The following CAMTA1 variants were observed in gnomAD, a reference collection of about 807,000 sequenced individuals.
CAMTA1 encodes calmodulin-binding transcription activator 1.
Under a neutral mutation model 170.9 loss-of-function variants are expected in CAMTA1, and 27 were observed. That is an observed-to-expected ratio of 0.16 (90% confidence interval 0.12 to 0.22). The LOEUF (loss-of-function observed/expected upper bound fraction) is 0.22. Among genes scored for constraint, CAMTA1 ranks in the 10% least tolerant of loss-of-function variants. The probability of loss-of-function intolerance (pLI) is 1.00; values close to 1 mark genes in which losing one functional copy is unlikely to be tolerated. For synonymous variants in CAMTA1, 833 were observed against 891.5 expected, an observed-to-expected ratio of 0.93 and a Z score of 1.17; for missense variants, 1,619 against 2,217.2, an observed-to-expected ratio of 0.73 and a Z score of 5.42.
intron 3 of CAMTA1, among the ~76,000 whole-genome samples, chr1:7,079,020 A>G (rs143054163): frequency 9.2e-5 from 14 of 152,222 alleles, no homozygotes; most frequent in African/African-American, 3.4e-4. Context: ...GTGAGGTGAA[A>G]CCCCACAAAA....
chr1:7,443,224 G>C lies in CAMTA1; in HGVS notation c.439-24606G>C, dbSNP rs1349024819. ...GCTTCATACCCTAGACGTGTATGAT[G>C]ATCTGCATGAAGTCCATTTCCCCAC... On this transcript the variant is annotated intron_variant, in intron 5 of 22. Coordinates refer to ENST00000303635, the MANE Select transcript of CAMTA1 (RefSeq NM_015215.4). This position sits in a 1 kb window ranked among gnomAD's most constrained non-coding sequence, Gnocchi z 4.1. Among the ~76,000 whole-genome samples the C allele has an allele frequency of 2.6e-5, 4 of 152,228 alleles. No individual in the cohort carries two copies. The highest frequency in any genetic ancestry group is 2.6e-4 in the Admixed American group (4 of 15,288).
rs1338403001 is a variant in CAMTA1 at position 7,050,866 on chromosome 1, C to T, written c.235-40438C>T. Among the ~76,000 whole-genome samples, 6 of 152,240 alleles carry T rather than the reference C, an allele frequency of 3.9e-5. No individual in the cohort carries two copies. The highest frequency in any genetic ancestry group is 2.0e-4 in the Admixed American group (3 of 15,292). On this transcript the variant is annotated intron_variant, in intron 3 of 22. Coordinates refer to ENST00000303635, the MANE Select transcript of CAMTA1 (RefSeq NM_015215.4). This position sits in a 1 kb window ranked among gnomAD's most constrained non-coding sequence, Gnocchi z 4.8. Reference sequence around the variant, plus strand: ...ATCACACTGGGGTATTTATGGGAGCCGTGCACAGGAGCGCTGGCCATTCGT... The same window carrying T: ...ATCACACTGGGGTATTTATGGGAGCTGTGCACAGGAGCGCTGGCCATTCGT...
intron 6 of CAMTA1, among the ~76,000 whole-genome samples, chr1:7,583,274 G>C (rs977651074): frequency 2.0e-5 from 3 of 151,888 alleles, no homozygotes; most frequent in African/African-American, 4.8e-5. Flanking sequence ...TGTGTGGAAG[G>C]GGTGCAGAGA....
At chr1:7,687,385 G>A (rs768596403) in intron 11 of CAMTA1, among the ~76,000 whole-genome samples, 1 of 152,078 alleles carries the variant, frequency 6.6e-6, no homozygotes, top group Non-Finnish European at 1.5e-5. Context: ...TCCAAGCAGG[G>A]GGAGGTGGGT....
rs796619665 is a variant in CAMTA1 at position 7,490,234 on chromosome 1, G to A, written c.510+22333G>A. Reference sequence around the variant, plus strand: ...ATGCCTCCTCGCATGGGATTGCACCGTGCACAATGTGGAGATGTGCTTTCC... The same window carrying A: ...ATGCCTCCTCGCATGGGATTGCACCATGCACAATGTGGAGATGTGCTTTCC... On this transcript the variant is annotated intron_variant, in intron 6 of 22. Coordinates refer to ENST00000303635, the MANE Select transcript of CAMTA1 (RefSeq NM_015215.4). Among the ~76,000 whole-genome samples the A allele has an allele frequency of 1.1e-4, 16 of 152,334 alleles. 1 individual carries two copies. Among genetic ancestry groups the A allele is most frequent in the African/African-American group, 3.6e-4 (15 of 41,570 alleles).
At chr1:7,268,269 G>C (rs897259501) in intron 5 of CAMTA1, among the ~76,000 whole-genome samples, 22 of 152,104 alleles carry the variant, frequency 1.4e-4, no homozygotes, top group Admixed American at 7.2e-4. Flanking sequence ...GAGGAGAAGG[G>C]GGGGTCAGCA....
chr1:7,261,408 T>A (rs1668148298), intron 5 of CAMTA1, among the ~76,000 whole-genome samples: 1 of 152,216 alleles, frequency 6.6e-6, no homozygotes. Context: ...GTCATCCCAT[T>A]GGCTTGAAAT....
chr1:7,379,612 C>T (rs993031468), intron 5 of CAMTA1, among the ~76,000 whole-genome samples: 2 of 152,208 alleles, frequency 1.3e-5, no homozygotes, highest in African/African-American at 2.4e-5. Flanking sequence ...TATGGATTGT[C>T]TTCCTGTTGC....
chr1:7,186,338 T>C (rs900422643), intron 4 of CAMTA1, among the ~76,000 whole-genome samples: 1 of 152,220 alleles, frequency 6.6e-6, no homozygotes, highest in Non-Finnish European at 1.5e-5. Context: ...ATAATATCTT[T>C]CTTAGTAGTG....
intron 4 of CAMTA1, among the ~76,000 whole-genome samples, chr1:7,233,516 C>CA (rs1174515471): frequency 2.0e-5 from 3 of 152,322 alleles, no homozygotes; most frequent in African/African-American, 7.2e-5. Context: ...CAAATGCTTT[C>CA]AGCGTAATAA....
At chr1:7,650,860 A>G (rs575621529) in intron 7 of CAMTA1, among the ~76,000 whole-genome samples, 9 of 152,356 alleles carry the variant, frequency 5.9e-5, no homozygotes, top group Admixed American at 3.3e-4. Flanking sequence ...TTGAACCAAG[A>G]AATCAGAAAC....
chr1:7,474,670 C>G (rs559195409), intron 6 of CAMTA1, among the ~76,000 whole-genome samples: 1 of 152,246 alleles, frequency 6.6e-6, no homozygotes, highest in East Asian at 1.9e-4. Flanking sequence ...GCAGGAGCCC[C>G]GCTGGTACAG....
intron 4 of CAMTA1, among the ~76,000 whole-genome samples, chr1:7,191,233 A>C (rs983640691): frequency 6.6e-6 from 1 of 152,224 alleles, no homozygotes; most frequent in African/African-American, 2.4e-5. Flanking sequence ...ACTGGGTAGG[A>C]CACCCCATAG....
At chr1:7,131,442 TACCTCTTATAGTCA>T (rs1426167727) in intron 4 of CAMTA1, among the ~76,000 whole-genome samples, 3 of 152,098 alleles carry the variant, frequency 2.0e-5, no homozygotes, top group Non-Finnish European at 4.4e-5. Flanking sequence ...GTTTAGTAGT[TACCTCTTATAGTCA>T]GGTCTATCAT....
chr1:7,392,783 A>G (rs4908632), intron 5 of CAMTA1, among the ~76,000 whole-genome samples: 96,673 of 151,626 alleles, frequency 0.64, 31,966 homozygotes, highest in Middle Eastern at 0.75. Flanking sequence ...CTGAGGCATG[A>G]GAATTGCTTG....
At chr1:6,837,768 T>C (rs530704167) in intron 3 of CAMTA1, among the ~76,000 whole-genome samples, 6 of 152,318 alleles carry the variant, frequency 3.9e-5, no homozygotes, top group African/African-American at 1.4e-4. Flanking sequence ...TGTTAAATGC[T>C]TTAATTATTA....
intron 6 of CAMTA1, among the ~76,000 whole-genome samples, chr1:7,602,146 C>T (rs190068544): frequency 2.8e-3 from 254 of 90,698 alleles, no homozygotes; most frequent in African/African-American, 6.8e-3. Context: ...CTTCCTTCCT[C>T]CCTCCCTCCC....
rs1691338422 is a variant in CAMTA1 at position 6,965,324 on chromosome 1, T to C, written c.235-125980T>C. Reference sequence around the variant, plus strand: ...CTGTGCATGTGTGTATGTGTGTGGGTGTGTGTGTAGGGGGCACGCAGCCAG... The same window carrying C: ...CTGTGCATGTGTGTATGTGTGTGGGCGTGTGTGTAGGGGGCACGCAGCCAG... On this transcript the variant is annotated intron_variant, in intron 3 of 22. Transcript: ENST00000303635. The surrounding 1 kb of genome is among the most constrained non-coding windows in gnomAD (Gnocchi z 4.1). 6.6e-6 allele frequency among the ~76,000 whole-genome samples: 1 copy of C among 152,032 alleles called. No individual in the cohort carries two copies. The highest frequency in any genetic ancestry group is 2.4e-5 in the African/African-American group (1 of 41,370).
intron 5 of CAMTA1, among the ~76,000 whole-genome samples, chr1:7,323,800 T>C (rs571527555): frequency 2.0e-5 from 3 of 152,332 alleles, no homozygotes; most frequent in African/African-American, 7.2e-5. Context: ...TGTCTGGCAC[T>C]TAGTAGATCT....
Sources: gnomAD v4.1 joint callset for allele counts (sites outside exome capture counted in the v4.1 genomes callset) on GRCh38, gnomAD v4.1.1 for gene constraint, Gnocchi (gnomAD v3.1) non-coding constraint, MANE v1.5 for transcripts, NCBI Gene and HGNC (gene_info 2026-07-23, HGNC 2026-07-21) for gene names.